The following FGD3 variants were observed in gnomAD, a reference collection of about 807,000 sequenced individuals.
FGD3 encodes the protein FYVE, RhoGEF and PH domain containing 3.
In FGD3, 45 loss-of-function variants were observed where a neutral mutation model predicts 71.8. The observed-to-expected ratio is 0.63, with a 90% CI of 0.49 to 0.80. FGD3 has a LOEUF of 0.80. Ranked by LOEUF, FGD3 falls within the 30% of genes least tolerant of loss-of-function variation. The pLI is 0.00. For synonymous variants in FGD3, 378 were observed against 392.8 expected (o/e 0.96, Z 0.44); for missense variants, 844 against 951.5 (o/e 0.89, Z 1.49).
intron 1 of FGD3, among the ~76,000 whole-genome samples, chr9:92,959,103 G>A (rs1564140186): frequency 6.6e-6 from 1 of 152,262 alleles, no homozygotes; most frequent in Admixed American, 6.5e-5. Flanking sequence ...GGGACTACAG[G>A]TGCCTGCCGC....
In FGD3 at chr9:93,003,551, T is replaced by C. The variant is rs1860938977; in HGVS notation, c.544-450T>C. Among the ~76,000 whole-genome samples, 1 of 152,238 alleles carries C rather than the reference T, an allele frequency of 6.6e-6. No individual in the cohort carries two copies. The highest frequency in any genetic ancestry group is 2.4e-5 in the African/African-American group (1 of 41,460). On this transcript the variant is annotated intron_variant, in intron 4 of 17. Coordinates refer to ENST00000375482, the MANE Select transcript of FGD3 (RefSeq NM_001083536.2). This position sits in a 1 kb window ranked among gnomAD's most constrained non-coding sequence, Gnocchi z 4.1. Reference sequence around the variant, plus strand: ...AGCATGTAAATGGCTTCTGGATGTTTTTCTGCATAAGTACTTGGGACAGGG... The same window carrying C: ...AGCATGTAAATGGCTTCTGGATGTTCTTCTGCATAAGTACTTGGGACAGGG...
chr9:92,978,409 GCCCACCCCCCCAC>G (rs1859851525), intron 3 of FGD3, among the ~76,000 whole-genome samples: 1 of 35,510 alleles, frequency 2.8e-5, no homozygotes, highest in Admixed American at 2.4e-4. Flanking sequence ...CACTCCCACC[GCCCACCCCCCCAC>G]CCCACCCCCA....
intron 8 of FGD3, among the ~76,000 whole-genome samples, chr9:93,012,342 T>G (rs1392109447): frequency 6.6e-6 from 1 of 151,886 alleles, no homozygotes; most frequent in Non-Finnish European, 1.5e-5. Flanking sequence ...CCTAAAACAC[T>G]AAGGAGAGTG....
chr9:93,021,612 A>G (rs1360864855), intron 13 of FGD3, among the ~76,000 whole-genome samples: 2 of 152,122 alleles, frequency 1.3e-5, no homozygotes, highest in Admixed American at 1.3e-4. Context: ...GGCACCAGGC[A>G]TGACTCAGAG....
chr9:93,007,190 A>C (rs1047105452), intron 6 of FGD3, among the ~76,000 whole-genome samples: 1 of 151,156 alleles, frequency 6.6e-6, no homozygotes, highest in Admixed American at 6.6e-5. Flanking sequence ...TCCCAGGTTC[A>C]CGCCATTCTC....
At chr9:93,030,532 AG>A (rs1232457354) in intron 15 of FGD3, among the ~76,000 whole-genome samples, 32 of 152,358 alleles carry the variant, frequency 2.1e-4, no homozygotes, top group African/African-American at 7.2e-4. Context: ...TGAATGTAAA[AG>A]TATCCCTGAG....
At chr9:93,013,772 G>T (rs1360046667) in intron 8 of FGD3, 80 bp from the exon 9 acceptor site, 3 of 1,571,472 alleles carry the variant, frequency 1.9e-6, no homozygotes, top group African/African-American at 2.7e-5. Context: ...GGCCACGGTT[G>T]CAGGGAAGGA....
Position 92,976,268 on chromosome 9 carries a change from CA to C in FGD3, c.13del (p.Arg5GlyfsTer13), listed in dbSNP as rs772486404. 1 of 1,583,700 alleles carries C rather than the reference CA, an allele frequency of 6.3e-7. No homozygotes were observed. Among genetic ancestry groups the C allele is most frequent in the South Asian group, 1.1e-5 (1 of 89,332 alleles). MESG[R>X]GSSTPPGPIA... ...GCTCAGCTTTAAGGATGGAGTCAGG[CA>C]GGGGGTCCTCAACCCCTCCAGGACC... On this transcript the variant is annotated frameshift_variant, in exon 3 of 18. Transcript: ENST00000375482. LOFTEE classifies it high-confidence loss of function.
At chr9:93,015,950 T>G in intron 10 of FGD3, 121 bp downstream of exon 10, 1 of 833,166 alleles carries the variant, frequency 1.2e-6, no homozygotes, top group Non-Finnish European at 2.0e-6. Context: ...CCTACCTGCT[T>G]TTCCAAGCCA....
At chr9:92,954,305 C>T (rs1418277686) in intron 1 of FGD3, among the ~76,000 whole-genome samples, 1 of 152,156 alleles carries the variant, frequency 6.6e-6, no homozygotes, top group Non-Finnish European at 1.5e-5. Flanking sequence ...CACTTCCTGC[C>T]CTAGCTAGTG....
chr9:92,957,934 G>A (rs1348878016), intron 1 of FGD3, among the ~76,000 whole-genome samples: 1 of 151,454 alleles, frequency 6.6e-6, no homozygotes, highest in Non-Finnish European at 1.5e-5. Flanking sequence ...GCCCACCTCA[G>A]CCTCCCAAAG....
At chr9:93,019,589 C>G (rs933214439) in intron 11 of FGD3, among the ~76,000 whole-genome samples, 5 of 152,232 alleles carry the variant, frequency 3.3e-5, no homozygotes, top group African/African-American at 1.2e-4. Flanking sequence ...GTGGGATCTT[C>G]ATAATGACCC....
chr9:92,974,123 G>C (rs965185628), intron 1 of FGD3, among the ~76,000 whole-genome samples: 2 of 152,136 alleles, frequency 1.3e-5, no homozygotes, highest in East Asian at 1.9e-4. Flanking sequence ...CCAGGTGAGA[G>C]TAAATCTGGT....
At chr9:92,974,322 G>T (rs1859643174) in intron 1 of FGD3, among the ~76,000 whole-genome samples, 1 of 152,236 alleles carries the variant, frequency 6.6e-6, no homozygotes, top group African/African-American at 2.4e-5. Context: ...GCTATGAGAA[G>T]AATGCAGCAA....
intron 1 of FGD3, among the ~76,000 whole-genome samples, chr9:92,950,009 C>G (rs1858924675): frequency 6.6e-6 from 1 of 150,444 alleles, no homozygotes; most frequent in South Asian, 2.1e-4. Flanking sequence ...TTCCTCCCTT[C>G]CTTCCCCCCT....
At chr9:93,029,759 T>C (rs990150318) in intron 14 of FGD3, 115 bp from the exon 15 acceptor site, 2 of 1,389,344 alleles carry the variant, frequency 1.4e-6, no homozygotes, top group Non-Finnish European at 1.9e-6. Flanking sequence ...ATGTTCCACT[T>C]TTTGCCTTGA....
At position 93,035,299 on chromosome 9, in the gene FGD3, A is replaced by G. The variant is rs532539897; in HGVS notation, c.1927-39A>G. The stretch of plus-strand genomic sequence containing the variant: ...TCACTGAGGTGAGCCCGAGGCCGGG[A>G]AGCTGTGGCCCCGCTGACCATCTGC... On this transcript the variant is annotated intron_variant, in intron 17 of 17. Coordinates refer to ENST00000375482, the MANE Select transcript of FGD3 (RefSeq NM_001083536.2). 4 of 1,588,916 alleles carry G rather than the reference A, an allele frequency of 2.5e-6. No individual in the cohort carries two copies. The South Asian group carries it at 4.6e-5, about 18-fold the overall frequency.
At position 93,032,887 on chromosome 9, in the gene FGD3, G is replaced by A; in HGVS notation, c.1785+14G>A. ...GAGAGCACAGAGGTGGGTGCTCCCA[G>A]CTCCTGCTCCCCTCCTGGTGGCGCG... On this transcript the variant is annotated intron_variant, in intron 16 of 17. Transcript: ENST00000375482. 1 of 1,609,438 alleles carries A rather than the reference G, an allele frequency of 6.2e-7. No individual in the cohort carries two copies. Among genetic ancestry groups the A allele is most frequent in the African/African-American group, 1.3e-5 (1 of 74,964 alleles).
Position 93,003,012 on chromosome 9 carries a change from C to T in FGD3, c.541C>T (p.Gln181Ter), listed in dbSNP as rs776793657. 2.5e-6 allele frequency: 4 copies of T among 1,614,052 alleles called. No homozygotes were observed. Among genetic ancestry groups the T allele is most frequent in the Non-Finnish European group, 1.7e-6 (2 of 1,180,012 alleles). ...TYVKRLHLLD[Q>*]VFCTRLTDAG... ...TGTGAAGCGGCTGCACCTGCTGGAC[C>T]AGGTAGCCCACATGGCTTGGGGGCA... The change falls in exon 4 of 18, where the codon CAG becomes TAG. Residue 181 changes from glutamine (Q) to a stop codon, truncating the protein, a stop_gained and splice_region_variant. Transcript: ENST00000375482. LOFTEE classifies it high-confidence loss of function. This position sits in a 1 kb window ranked among gnomAD's most constrained non-coding sequence, Gnocchi z 4.1.
Sources: gnomAD v4.1 joint callset for allele counts (sites outside exome capture counted in the v4.1 genomes callset) on GRCh38, gnomAD v4.1.1 for gene constraint, Gnocchi (gnomAD v3.1) non-coding constraint, MANE v1.5 for transcripts, NCBI Gene and HGNC (gene_info 2026-07-23, HGNC 2026-07-21) for gene names.